CLNK: variants seen among roughly 807,000 people sequenced by gnomAD.
The protein encoded by CLNK is cytokine-dependent hematopoietic cell linker.
A neutral mutation model predicts 68.6 loss-of-function variants in CLNK; 74 were observed. That is an observed-to-expected ratio of 1.08 (90% CI 0.89 to 1.31). The LOEUF is 1.31. CLNK is among the 50% of genes most tolerant of loss of function. The pLI, the probability that CLNK is intolerant of heterozygous loss-of-function variation, is 0.00. For synonymous variants in CLNK, 198 were observed against 172.2 expected (o/e 1.15, Z -1.17); for missense variants, 553 against 515.3 (o/e 1.07, Z -0.71).
At chr4:10,695,500 C>T in the CLNK span, among the ~76,000 whole-genome samples, 1 of 152,222 alleles carries the variant, frequency 6.6e-6, no homozygotes, top group Non-Finnish European at 1.5e-5. Context: ...CCCTTCCATG[C>T]TTCTCCTTTT....
intron 17 of CLNK, among the ~76,000 whole-genome samples, chr4:10,504,402 G>C (rs1210126669): frequency 6.6e-6 from 1 of 152,064 alleles, no homozygotes; most frequent in Admixed American, 6.5e-5. Flanking sequence ...TTACAGGCGT[G>C]AGCCACTGCG....
intron 5 of CLNK, among the ~76,000 whole-genome samples, chr4:10,566,897 CAAAAGAAG>C (rs1720140851): frequency 6.6e-6 from 1 of 151,908 alleles, no homozygotes; most frequent in Non-Finnish European, 1.5e-5. Context: ...ATACATTTAA[CAAAAGAAG>C]TGCAAAATTT....
At chr4:10,558,587 T>G in intron 7 of CLNK, 135 bp from the exon 8 acceptor site, 1 of 772,262 alleles carries the variant, frequency 1.3e-6, no homozygotes, top group South Asian at 1.7e-5. Flanking sequence ...CAATGTATGG[T>G]TGGCTGTCAA....
At chr4:10,611,776 T>C (rs1234728458) in intron 2 of CLNK, among the ~76,000 whole-genome samples, 1 of 152,132 alleles carries the variant, frequency 6.6e-6, no homozygotes, top group Non-Finnish European at 1.5e-5. Flanking sequence ...CAGCACCCTC[T>C]CCCCTTCCTT....
the CLNK span, among the ~76,000 whole-genome samples, chr4:10,731,657 C>A: frequency 6.6e-6 from 1 of 152,116 alleles, no homozygotes; most frequent in Non-Finnish European, 1.5e-5. Flanking sequence ...AGTTATTAAC[C>A]AATAATTTCT....
At chr4:10,530,053 GC>G (rs1189030665) in intron 12 of CLNK, among the ~76,000 whole-genome samples, 1 of 147,004 alleles carries the variant, frequency 6.8e-6, no homozygotes, top group Non-Finnish European at 1.5e-5. Flanking sequence ...CACCTTCTCT[GC>G]CCCCTCCTTT....
intron 11 of CLNK, 66 bp from the exon 12 acceptor site, chr4:10,532,349 T>C (rs1028140658): frequency 1.1e-5 from 15 of 1,337,836 alleles, no homozygotes; most frequent in South Asian, 1.1e-4. Context: ...AAAATCATTC[T>C]GAGCCTTACA....
At chr4:10,633,092 C>A (rs1722952393) in intron 2 of CLNK, among the ~76,000 whole-genome samples, 1 of 152,118 alleles carries the variant, frequency 6.6e-6, no homozygotes, top group South Asian at 2.1e-4. Flanking sequence ...CATGTGCTAC[C>A]ACACTAGGCT....
In CLNK at chr4:10,490,486, C is replaced by G. The variant is rs776297696; in HGVS notation, c.1268G>C (p.Arg423Thr). ...CHLTQPLPLT[R>T]HLLPL ...ACCAGGCTACAGAGGCAAGAGGTGT[C>G]TGGTGAGAGGGAGTGGCTGAGTGAG... The change falls in exon 19 of 19, where the codon AGA (arginine) becomes ACA (threonine). Residue 423 changes from arginine to threonine, a missense_variant. Arg to Thr is a moderately conservative substitution (Grantham distance 71, BLOSUM62 -1). Transcript: ENST00000226951. 1.9e-6 allele frequency: 3 copies of G among 1,613,482 alleles called. No homozygotes were observed.
chr4:10,506,857 T>TGGCGCGATCTCAGCTCACTGC (rs1200723563), intron 17 of CLNK, among the ~76,000 whole-genome samples: 6 of 152,134 alleles, frequency 3.9e-5, no homozygotes, highest in Non-Finnish European at 8.8e-5. Flanking sequence ...TGGAGTGCGG[T>TGGCGCGATCTCAGCTCACTGC]GGCGCGATCT....
chr4:10,717,997 C>T, the CLNK span, among the ~76,000 whole-genome samples: 2 of 151,948 alleles, frequency 1.3e-5, no homozygotes, highest in Non-Finnish European at 2.9e-5. Flanking sequence ...GCAAAAACAG[C>T]AAAGTCTTAT....
At chr4:10,526,902 A>C (rs1351390012) in intron 13 of CLNK, among the ~76,000 whole-genome samples, 1 of 152,028 alleles carries the variant, frequency 6.6e-6, no homozygotes, top group African/African-American at 2.4e-5. Context: ...CTCATAAAAC[A>C]CTCTCCCAGC....
chr4:10,661,275 C>T (rs990610172), intron 2 of CLNK, among the ~76,000 whole-genome samples: 1 of 152,128 alleles, frequency 6.6e-6, no homozygotes, highest in African/African-American at 2.4e-5. Flanking sequence ...AGACATTGAG[C>T]CCTCTCAAGA....
intron 18 of CLNK, among the ~76,000 whole-genome samples, chr4:10,500,321 A>T (rs1716985992): frequency 6.6e-6 from 1 of 152,004 alleles, no homozygotes; most frequent in South Asian, 2.1e-4. Flanking sequence ...TAATTTTCTG[A>T]GCCCCAGTTT....
intron 8 of CLNK, among the ~76,000 whole-genome samples, chr4:10,553,584 T>C (rs992806374): frequency 6.6e-6 from 1 of 152,090 alleles, no homozygotes; most frequent in African/African-American, 2.4e-5. Flanking sequence ...CCCCCGTAGC[T>C]GGGACTACAT....
the CLNK span, among the ~76,000 whole-genome samples, chr4:10,732,831 A>C: frequency 6.6e-6 from 1 of 152,066 alleles, no homozygotes; most frequent in African/African-American, 2.4e-5. Flanking sequence ...TTTTTAAAAC[A>C]TCACTTCCTT....
intron 2 of CLNK, among the ~76,000 whole-genome samples, chr4:10,635,106 T>C (rs1723031074): frequency 1.3e-5 from 2 of 152,240 alleles, no homozygotes; most frequent in African/African-American, 4.8e-5. Context: ...TCAAGTGCTA[T>C]ATTAATTTAC....
intron 3 of CLNK, among the ~76,000 whole-genome samples, chr4:10,587,789 A>G (rs925775798): frequency 1.3e-5 from 2 of 152,128 alleles, no homozygotes; most frequent in African/African-American, 4.8e-5. Flanking sequence ...GGGATTTGAC[A>G]CCAGCCTATC....
At chr4:10,528,371 A>G (rs1270111255) in intron 12 of CLNK, among the ~76,000 whole-genome samples, 1 of 152,234 alleles carries the variant, frequency 6.6e-6, no homozygotes, top group Non-Finnish European at 1.5e-5. Context: ...TACCATAATT[A>G]TCAAAAACCT....
Sources: gnomAD v4.1 joint callset for allele counts (sites outside exome capture counted in the v4.1 genomes callset) on GRCh38, gnomAD v4.1.1 for gene constraint, MANE v1.5 for transcripts, NCBI Gene and HGNC (gene_info 2026-07-23, HGNC 2026-07-21) for gene names.